Variants in INSR observed in about 807,000 individuals in gnomAD.
INSR encodes the protein IR.
INSR carries 67 observed loss-of-function variants against 142.6 expected under a neutral mutation model. The ratio of observed to expected loss-of-function variants is 0.47; its 90% CI spans 0.39 to 0.58. INSR has a LOEUF of 0.58. INSR is among the 20% of genes least tolerant of loss of function. The pLI is 0.00. For missense variants in INSR, 1,248 were observed against 1,833.2 expected, an observed-to-expected ratio of 0.68 and a Z score of 5.83; for synonymous variants, 756 against 743.1, an observed-to-expected ratio of 1.02 and a Z score of -0.28.
At chr19:7,256,929 AC>A (rs1464329782) in intron 2 of INSR, among the ~76,000 whole-genome samples, 1 of 118,026 alleles carries the variant, frequency 8.5e-6, no homozygotes, top group African/African-American at 3.2e-5. Flanking sequence ...GCTCTACCCT[AC>A]CTTTTTTTTT....
At chr19:7,184,659 G>GAGAGGGA in intron 2 of INSR, 22 bp from the exon 3 acceptor site, 1 of 1,380,210 alleles carries the variant, frequency 7.2e-7, no homozygotes, top group African/African-American at 1.5e-5. Context: ...GAGAGAGAGA[G>GAGAGGGA]AGGGAAATAA....
At chr19:7,186,700 CT>C (rs1035392388) in intron 2 of INSR, among the ~76,000 whole-genome samples, 2 of 151,282 alleles carry the variant, frequency 1.3e-5, no homozygotes, top group African/African-American at 2.4e-5. Flanking sequence ...TTTTTCTTTT[CT>C]TTTTTTTTAT....
Position 7,262,228 on chromosome 19 carries a change from TG to T in INSR, c.652+5116del, listed in dbSNP as rs1977085831. On this transcript the variant is annotated intron_variant, in intron 2 of 21. Transcript: ENST00000302850. The stretch of plus-strand genomic sequence containing the variant: ...GCTCACGCCTGTAATCCCAGCACTT[TG>T]GGAGGCCGAGGCCAGTGGATTATCT... Among the ~76,000 whole-genome samples the T allele has an allele frequency of 2.0e-5, 3 of 152,138 alleles. No homozygotes were observed. In the South Asian group the frequency reaches 6.2e-4, roughly 32 times the overall value.
intron 2 of INSR, among the ~76,000 whole-genome samples, chr19:7,213,480 C>A (rs1600031026): frequency 6.6e-6 from 1 of 152,172 alleles, no homozygotes; most frequent in South Asian, 2.1e-4. Flanking sequence ...AAGATAAATT[C>A]TCTCTTGCAG....
intron 2 of INSR, among the ~76,000 whole-genome samples, chr19:7,248,600 A>G (rs1281321083): frequency 6.6e-6 from 1 of 150,448 alleles, no homozygotes. Flanking sequence ...GCATGAGGAA[A>G]ATGAAGTTAT....
At chr19:7,227,922 G>A (rs1023734744) in intron 2 of INSR, among the ~76,000 whole-genome samples, 14 of 151,746 alleles carry the variant, frequency 9.2e-5, no homozygotes, top group African/African-American at 3.4e-4. Context: ...CTGAGACCGC[G>A]ACCTTCACAC....
rs1210563319 is a variant in INSR at position 7,154,029 on chromosome 19, C to T, written c.2030-1102G>A. Among the ~76,000 whole-genome samples the T allele has an allele frequency of 3.3e-5, 5 of 151,904 alleles. No individual in the cohort carries two copies. In the South Asian group the frequency reaches 6.2e-4, roughly 19 times the overall value. On this transcript the variant is annotated intron_variant, in intron 9 of 21. Coordinates refer to ENST00000302850, the MANE Select transcript of INSR (RefSeq NM_000208.4). The stretch of plus-strand genomic sequence containing the variant: ...TACAAAAATTAGCCAGGTGTAGTGG[C>T]GCATGCCTGTAATCCCAGCTACTCA...
At chr19:7,121,625 C>T (rs1457666999) in intron 19 of INSR, among the ~76,000 whole-genome samples, 1 of 151,894 alleles carries the variant, frequency 6.6e-6, no homozygotes, top group Non-Finnish European at 1.5e-5. Context: ...CACCACCACA[C>T]CCCACTTTTT....
chr19:7,145,015 C>T (rs190295518), intron 11 of INSR, among the ~76,000 whole-genome samples: 137 of 151,922 alleles, frequency 9.0e-4, no homozygotes, highest in African/African-American at 3.2e-3. Context: ...TGCTATCACT[C>T]GACTACGTTA....
Position 7,120,493 on chromosome 19 carries a change from G to A in INSR, c.3659+127C>T. 4 of 1,113,320 alleles carry A rather than the reference G, an allele frequency of 3.6e-6. No homozygotes were observed. In the South Asian group the frequency reaches 5.2e-5, roughly 15 times the overall value. The allele number at this position is 1,113,320 out of a possible 1,614,324, so 69.0% of individuals were successfully genotyped here. ...GTAGCCGTGGGAAGATCCTAAGACA[G>A]GACGCTGCCTTCCTTTCCTTGATGG... On this transcript the variant is annotated intron_variant, in intron 20 of 21. Coordinates refer to ENST00000302850, the MANE Select transcript of INSR (RefSeq NM_000208.4).
intron 2 of INSR, among the ~76,000 whole-genome samples, chr19:7,209,803 C>G (rs1192902458): frequency 6.6e-6 from 1 of 152,068 alleles, no homozygotes; most frequent in Non-Finnish European, 1.5e-5. Flanking sequence ...AACATTTGCA[C>G]CACCCCCATC....
intron 2 of INSR, among the ~76,000 whole-genome samples, chr19:7,262,761 C>T (rs755911143): frequency 6.6e-6 from 1 of 152,132 alleles, no homozygotes; most frequent in Non-Finnish European, 1.5e-5. Context: ...GGATAAATCC[C>T]GTCTGATTCC....
chr19:7,241,183 T>A (rs1294986581), intron 2 of INSR, among the ~76,000 whole-genome samples: 4 of 150,654 alleles, frequency 2.7e-5, no homozygotes, highest in African/African-American at 7.3e-5. Flanking sequence ...TTTTGTTTTT[T>A]TTTTTTTTTT....
rs747762725 is a variant in INSR, at chr19:7,120,792, G to A, written c.3530-43C>T. ...TCACACGCTCTTAACCTTCAGCCTT[G>A]GTCCTAGCATCTGCCACCTTGACTG... On this transcript the variant is annotated intron_variant, in intron 19 of 21. Coordinates refer to ENST00000302850, the MANE Select transcript of INSR (RefSeq NM_000208.4). The A allele has an allele frequency of 1.1e-5, 17 of 1,607,988 alleles. 1 individual carries two copies. The highest frequency in any genetic ancestry group is 1.7e-4 in the Middle Eastern group (1 of 6,038).
chr19:7,280,439 C>G (rs1051233055), intron 1 of INSR, among the ~76,000 whole-genome samples: 4 of 151,868 alleles, frequency 2.6e-5, no homozygotes, highest in Admixed American at 6.6e-5. Context: ...TTAGCCAGGC[C>G]GGGCATGGTA....
At chr19:7,219,069 C>G (rs1456806517) in intron 2 of INSR, among the ~76,000 whole-genome samples, 1 of 152,182 alleles carries the variant, frequency 6.6e-6, no homozygotes, top group African/African-American at 2.4e-5. Flanking sequence ...AGCAGTCACT[C>G]TGTGTGTGGT....
intron 13 of INSR, among the ~76,000 whole-genome samples, chr19:7,135,090 TAAAAAAAA>T (rs5826960): frequency 8.9e-5 from 7 of 78,456 alleles, no homozygotes; most frequent in South Asian, 5.5e-4. Context: ...AAAGAAATGT[TAAAAAAAA>T]AAAAAAAAAA....
chr19:7,233,408 G>A (rs1028542145), intron 2 of INSR, among the ~76,000 whole-genome samples: 14 of 152,152 alleles, frequency 9.2e-5, no homozygotes, highest in Non-Finnish European at 1.9e-4. Flanking sequence ...CCAAACCATC[G>A]TACTATGCTG....
intron 3 of INSR, among the ~76,000 whole-genome samples, chr19:7,183,458 C>G (rs536496914): frequency 6.6e-6 from 1 of 152,210 alleles, no homozygotes; most frequent in Non-Finnish European, 1.5e-5. Flanking sequence ...GAAAACCCTG[C>G]TATTTCTCAC....
Sources: allele counts gnomAD v4.1 joint callset (sites outside exome capture counted in the v4.1 genomes callset), GRCh38; gene constraint gnomAD v4.1.1; transcripts MANE v1.5; gene names NCBI Gene and HGNC (gene_info 2026-07-23, HGNC 2026-07-21).